Variants in HIPK1 observed in about 807,000 individuals in gnomAD.
HIPK1 encodes the protein homeodomain interacting protein kinase 1.
In HIPK1, 28 loss-of-function variants were observed where a neutral mutation model predicts 117.1. The observed-to-expected ratio is 0.24, with a 90% CI of 0.18 to 0.33. The LOEUF is 0.33. HIPK1 is among the 10% of genes least tolerant of loss of function. The pLI, the probability that HIPK1 is intolerant of heterozygous loss-of-function variation, is 1.00. For synonymous variants in HIPK1, 605 were observed against 562.5 expected (o/e 1.08, Z -1.07); for missense variants, 1,122 against 1,475.1 (o/e 0.76, Z 3.92).
intron 10 of HIPK1, 125 bp from the exon 11 acceptor site, chr1:113,966,005 C>A (rs543145795): frequency 6.8e-6 from 6 of 884,644 alleles, no homozygotes; most frequent in Non-Finnish European, 1.0e-5. Context: ...CTTTTTTAAT[C>A]TCTGCAAGTT....
intron 2 of HIPK1, among the ~76,000 whole-genome samples, chr1:113,950,936 A>G (rs925857029): frequency 1.3e-5 from 2 of 152,332 alleles, no homozygotes; most frequent in Middle Eastern, 6.8e-3. Flanking sequence ...TATAAGATAC[A>G]TTATTTTTGT....
chr1:113,969,908 C>G, intron 13 of HIPK1, 48 bp from the exon 14 acceptor site: 1 of 1,605,606 alleles, frequency 6.2e-7, no homozygotes, highest in Non-Finnish European at 8.5e-7. Context: ...CGCTGTCACA[C>G]ACACAAAAAA....
At chr1:113,967,262 T>C (rs148600972) in intron 11 of HIPK1, among the ~76,000 whole-genome samples, 33 of 152,342 alleles carry the variant, frequency 2.2e-4, no homozygotes, top group Middle Eastern at 3.4e-3. Context: ...TGCTGGATCA[T>C]ATGGTAGCTC....
rs894627561 is a variant in HIPK1 at position 113,977,805 on chromosome 1, T to C, written c.*4293T>C. 2.0e-5 allele frequency: 3 copies of C among 152,792 alleles called. No individual in the cohort carries two copies. The highest frequency in any genetic ancestry group is 4.8e-5 in the African/African-American group (2 of 41,464). The allele number at this position is 152,792 out of a possible 1,614,324, so 9.5% of individuals were successfully genotyped here. A position where few individuals can be genotyped will look rare whatever the true frequency, so the allele number is the denominator to read the frequency against. Reference sequence around the variant, plus strand: ...TAAAATGGGTAAATTTTCTGACTTATGTGGCTGTTTTTGACTTCTGTTATA... The same window carrying C: ...TAAAATGGGTAAATTTTCTGACTTACGTGGCTGTTTTTGACTTCTGTTATA... On this transcript the variant is annotated 3_prime_UTR_variant, in exon 16 of 16. Transcript: ENST00000426820.
rs1356045015 is a variant in HIPK1 at position 113,941,530 on chromosome 1, G to A, written c.1076+71G>A. On this transcript the variant is annotated intron_variant, in intron 2 of 15. Transcript: ENST00000426820. The surrounding 1 kb of genome is among the most constrained non-coding windows in gnomAD (Gnocchi z 4.9). ...CCTTATATTTAACATATACCCCGTAGGCTACATATAGCAATGAATTTGTTT... is the reference window on the plus strand; with the variant it reads ...CCTTATATTTAACATATACCCCGTAAGCTACATATAGCAATGAATTTGTTT... 1 of 1,143,412 alleles carries A rather than the reference G, an allele frequency of 8.7e-7. No homozygotes were observed. Among genetic ancestry groups the A allele is most frequent in the Non-Finnish European group, 1.3e-6 (1 of 792,842 alleles). 70.8% of individuals were successfully genotyped at this position (1,143,412 alleles called of 1,614,324 possible). A position where few individuals can be genotyped will look rare whatever the true frequency, so the allele number is the denominator to read the frequency against.
Position 113,975,133 on chromosome 1 carries a change from T to G in HIPK1, c.*1621T>G, listed in dbSNP as rs2101534263. On this transcript the variant is annotated 3_prime_UTR_variant, in exon 16 of 16. Coordinates refer to ENST00000426820, the MANE Select transcript of HIPK1 (RefSeq NM_198268.3). ...TTCCCTTTCTTCCTCCTTCCCTTAT[T>G]GTAGTGCCTTATATGATAATGTAGT... is the stretch of plus-strand genomic sequence containing the variant. 2 of 152,822 alleles carry G rather than the reference T, an allele frequency of 1.3e-5. 1 individual carries two copies. Among genetic ancestry groups the G allele is most frequent in the South Asian group, 4.1e-4 (2 of 4,824 alleles). 9.5% of individuals were successfully genotyped at this position (152,822 alleles called of 1,614,324 possible).
intron 11 of HIPK1, among the ~76,000 whole-genome samples, chr1:113,966,836 C>CTTT (rs78432266): frequency 7.2e-6 from 1 of 139,260 alleles, no homozygotes; most frequent in African/African-American, 2.6e-5. Flanking sequence ...AGTTCTTATT[C>CTTT]TTTTTTTTTT....
intron 1 of HIPK1, among the ~76,000 whole-genome samples, chr1:113,931,435 T>C (rs937165486): frequency 1.3e-5 from 2 of 152,182 alleles, no homozygotes. Flanking sequence ...CGGTTGGAAC[T>C]GGAGGCAGCC....
chr1:113,931,815 T>C (rs903797657), intron 1 of HIPK1, among the ~76,000 whole-genome samples: 1 of 152,252 alleles, frequency 6.6e-6, no homozygotes, highest in African/African-American at 2.4e-5. Flanking sequence ...TTGTTAGTTA[T>C]ATATTGTAAC....
chr1:113,970,263 C>T lies in HIPK1; in HGVS notation c.3013+66C>T, dbSNP rs921044097. 11 of 1,575,414 alleles carry T rather than the reference C, an allele frequency of 7.0e-6. No homozygotes were observed. The African/African-American group carries it at 1.1e-4, about 15-fold the overall frequency. ...ATGTGTGAATGCTTAAATATTTTGC[C>T]ATAATCCACTTATATCAGTGGTAGA... On this transcript the variant is annotated intron_variant, in intron 14 of 15. Transcript: ENST00000426820.
Position 113,940,956 on chromosome 1 carries a change from A to G in HIPK1, c.573A>G (p.Glu191=), listed in dbSNP as rs963279478. 3.1e-6 allele frequency: 5 copies of G among 1,614,068 alleles called. No individual in the cohort carries two copies. In the African/African-American group the frequency reaches 6.7e-5, roughly 22 times the overall value. ...TTTGCTCTATGACCAATAGCTATGA[A>G]GTCTTGGAGTTCCTAGGCCGGGGGA... ...EILCSMTNSY[E]VLEFLGRGTF... The change falls in exon 2 of 16, where the codon GAA becomes GAG. Residue 191 remains glutamate, a synonymous_variant. Transcript: ENST00000426820.
Position 113,941,649 on chromosome 1 carries a change from A to C in HIPK1, c.1076+190A>C, listed in dbSNP as rs1288209518. Among the ~76,000 whole-genome samples, 1 of 152,268 alleles carries C rather than the reference A, an allele frequency of 6.6e-6. No homozygotes were observed. Among genetic ancestry groups the C allele is most frequent in the African/African-American group, 2.4e-5 (1 of 41,474 alleles). Reference sequence around the variant, plus strand: ...ATTTATTTCTGAAATTTTATCTAGCACTGGAAAAATTAACTCAGTCTGATT... The same window carrying C: ...ATTTATTTCTGAAATTTTATCTAGCCCTGGAAAAATTAACTCAGTCTGATT... On this transcript the variant is annotated intron_variant, in intron 2 of 15. Transcript: ENST00000426820. The surrounding 1 kb of genome is among the most constrained non-coding windows in gnomAD (Gnocchi z 4.9).
At position 113,958,169 on chromosome 1, in the gene HIPK1, C is replaced by G; in HGVS notation, c.1859C>G (p.Ser620Cys). The G allele has an allele frequency of 6.2e-7, 1 of 1,614,208 alleles. No individual in the cohort carries two copies. Reference protein sequence around the residue: ...LNYQSALYPSSAAPVPGVAQQ... With the variant: ...LNYQSALYPSCAAPVPGVAQQ... ...TACCAGTCAGCTTTGTACCCATCATCTGCTGCACCAGTTCCTGGAGTTGCC... is the reference window on the plus strand; with the variant it reads ...TACCAGTCAGCTTTGTACCCATCATGTGCTGCACCAGTTCCTGGAGTTGCC... The change falls in exon 8 of 16, where the codon TCT becomes TGT. Residue 620 changes from serine (S) to cysteine (C), a missense_variant. Transcript: ENST00000426820.
chr1:113,941,576 A>T lies in HIPK1; in HGVS notation c.1076+117A>T. On this transcript the variant is annotated intron_variant, in intron 2 of 15. Coordinates refer to ENST00000426820, the MANE Select transcript of HIPK1 (RefSeq NM_198268.3). This position sits in a 1 kb window ranked among gnomAD's most constrained non-coding sequence, Gnocchi z 4.9. ...TGTTTATAGATTCTGAGATAGAAAT[A>T]GGATATGTTTTAGCTCATTCTATGT... 1.2e-6 allele frequency: 1 copy of T among 805,084 alleles called. No homozygotes were observed. Among genetic ancestry groups the T allele is most frequent in the Non-Finnish European group, 2.0e-6 (1 of 505,798 alleles). The allele number at this position is 805,084 out of a possible 1,614,324, so 49.9% of individuals were successfully genotyped here.
Position 113,929,952 on chromosome 1 carries a change from G to T in HIPK1, c.-3+420G>T. ...AGACACACCGGCGGTGAGTGGGGAC[G>T]GGCAGGAGGGGTCCTCGGCGGGGAG... On this transcript the variant is annotated intron_variant, in intron 1 of 15. Coordinates refer to ENST00000426820, the MANE Select transcript of HIPK1 (RefSeq NM_198268.3). The T allele has an allele frequency of 5.1e-6, 5 of 985,156 alleles. No homozygotes were observed. The South Asian group carries it at 1.4e-4, about 28-fold the overall frequency. The allele number at this position is 985,156 out of a possible 1,614,324, so 61.0% of individuals were successfully genotyped here.
chr1:113,958,362 T>C (rs1671863575), intron 8 of HIPK1, 71 bp downstream of exon 8: 1 of 1,044,146 alleles, frequency 9.6e-7, no homozygotes. Context: ...TCTAGTTGTT[T>C]AGTTCTGATC....
In HIPK1 at chr1:113,941,145, A is replaced by G. The variant is rs768742440; in HGVS notation, c.762A>G (p.Ser254=). 4 of 1,614,268 alleles carry G rather than the reference A, an allele frequency of 2.5e-6. No homozygotes were observed. In the Admixed American group the frequency reaches 5.0e-5, roughly 20 times the overall value. The change falls in exon 2 of 16, where the codon TCA becomes TCG. Residue 254 remains serine, a synonymous_variant. Transcript: ENST00000426820. The surrounding 1 kb of genome is among the most constrained non-coding windows in gnomAD (Gnocchi z 4.9). The part of the protein sequence containing the change: ...ENADEYNFVR[S]YECFQHKNHT... ...CTGATGAGTATAATTTTGTCCGTTC[A>G]TACGAGTGCTTTCAGCATAAGAATC...
chr1:113,940,668 T>C lies in HIPK1; in HGVS notation c.285T>C (p.Ala95=). 1.9e-6 allele frequency: 3 copies of C among 1,614,218 alleles called. No individual in the cohort carries two copies. The highest frequency in any genetic ancestry group is 2.2e-5 in the East Asian group (1 of 44,892). ...VVTAADSSGS[A]ATSTFQSSQT... ...CAGCCGCTGATAGCTCGGGCAGTGC[T>C]GCTACATCAACCTTCCAAAGCAGCC... Residue 95 remains alanine, a synonymous_variant, in exon 2 of 16, where the codon GCT becomes GCC. Transcript: ENST00000426820.
rs760001128 is a variant in HIPK1 at position 113,973,110 on chromosome 1, C to T, written c.3231C>T (p.Leu1077=). 1 of 1,561,550 alleles carries T rather than the reference C, an allele frequency of 6.4e-7. No homozygotes were observed. Among genetic ancestry groups the T allele is most frequent in the Non-Finnish European group, 8.7e-7 (1 of 1,152,650 alleles). Residue 1077 remains leucine, a synonymous_variant, in exon 16 of 16, where the codon CTC becomes CTT. Coordinates refer to ENST00000426820, the MANE Select transcript of HIPK1 (RefSeq NM_198268.3). Reference sequence around the variant, plus strand: ...GGCAGCAGGCGTTTGTGGCCCCTCTCTCCCAAGCCCCCTACACCTTCCAGC... The same window carrying T: ...GGCAGCAGGCGTTTGTGGCCCCTCTTTCCCAAGCCCCCTACACCTTCCAGC... The part of the protein sequence containing the change: ...PRRQQAFVAP[L]SQAPYTFQHG...
Sources: gnomAD v4.1 joint callset for allele counts (sites outside exome capture counted in the v4.1 genomes callset) on GRCh38, gnomAD v4.1.1 for gene constraint, Gnocchi (gnomAD v3.1) non-coding constraint, MANE v1.5 for transcripts, NCBI Gene and HGNC (gene_info 2026-07-23, HGNC 2026-07-21) for gene names.